FBXL7: variants seen among roughly 807,000 people sequenced by gnomAD.
FBXL7 encodes the protein F-box and leucine rich repeat protein 7, also known as F-box/LRR-repeat protein 7.
Under a neutral mutation model 38.3 loss-of-function variants are expected in FBXL7, and 12 were observed. That is an observed-to-expected ratio of 0.31 (90% CI 0.20 to 0.51). The LOEUF (loss-of-function observed/expected upper bound fraction) is 0.51, where lower values mean the gene tolerates loss of function less well. FBXL7 is among the 20% of genes least tolerant of loss of function. The pLI, the probability that FBXL7 is intolerant of heterozygous loss-of-function variation, is 0.98. For missense variants in FBXL7, 567 were observed against 676.4 expected, an observed-to-expected ratio of 0.84 and a Z score of 1.79; for synonymous variants, 297 against 300.9, an observed-to-expected ratio of 0.99 and a Z score of 0.13.
intron 1 of FBXL7, among the ~76,000 whole-genome samples, chr5:15,527,918 G>T (rs563852912): frequency 1.3e-5 from 2 of 152,258 alleles, no homozygotes; most frequent in African/African-American, 4.8e-5. Context: ...TTTAAGGGTG[G>T]AATGTTTTTT....
intron 1 of FBXL7, chr5:15,602,116 G>A (rs13361854): frequency 6.6e-6 from 1 of 152,186 alleles, no homozygotes; most frequent in African/African-American, 2.4e-5. Context: ...GCATGGATCA[G>A]AGTCTCCATG....
At chr5:15,536,974 TAGTG>T (rs938969709) in intron 1 of FBXL7, among the ~76,000 whole-genome samples, 3 of 152,182 alleles carry the variant, frequency 2.0e-5, no homozygotes, top group African/African-American at 7.2e-5. Flanking sequence ...GTTCTTGTGA[TAGTG>T]AGTGAGTTCT....
intron 2 of FBXL7, among the ~76,000 whole-genome samples, chr5:15,693,355 G>T: frequency 6.6e-6 from 1 of 152,220 alleles, no homozygotes; most frequent in East Asian, 1.9e-4. Flanking sequence ...AAGCTCCCCC[G>T]GGTGCCTGGG....
At chr5:15,848,253 C>G (rs1029046105) in intron 2 of FBXL7, among the ~76,000 whole-genome samples, 1 of 152,160 alleles carries the variant, frequency 6.6e-6, no homozygotes, top group African/African-American at 2.4e-5. Context: ...GAAGGCTTTT[C>G]TGATGCTTTG....
At chr5:15,871,078 C>T (rs914694613) in intron 2 of FBXL7, among the ~76,000 whole-genome samples, 16 of 152,352 alleles carry the variant, frequency 1.1e-4, no homozygotes, top group Admixed American at 7.8e-4. Flanking sequence ...TGGCATCTGG[C>T]AGGTGTCCCT....
chr5:15,626,964 C>T (rs1740842555), intron 2 of FBXL7, among the ~76,000 whole-genome samples: 2 of 152,210 alleles, frequency 1.3e-5, no homozygotes, highest in South Asian at 4.2e-4. Flanking sequence ...AGTCAGGGGT[C>T]ACCAACTGGT....
intron 2 of FBXL7, among the ~76,000 whole-genome samples, chr5:15,841,228 T>A (rs915616191): frequency 1.3e-5 from 2 of 152,180 alleles, no homozygotes; most frequent in African/African-American, 4.8e-5. Context: ...TCTAGTATAA[T>A]GTTGAATAGT....
In FBXL7 at chr5:15,740,670, C is replaced by T. The variant is rs1158915224; in HGVS notation, c.127+124598C>T. 2.6e-5 allele frequency among the ~76,000 whole-genome samples: 4 copies of T among 151,786 alleles called. No homozygotes were observed. The South Asian group carries it at 8.3e-4, about 32-fold the overall frequency. On this transcript the variant is annotated intron_variant, in intron 2 of 3. Transcript: ENST00000504595. Reference sequence around the variant, plus strand: ...CAAATGGTTGTGTTTTTTTCCAGTCCCCTTAAATCCTTACCTTTTTTAAAA... The same window carrying T: ...CAAATGGTTGTGTTTTTTTCCAGTCTCCTTAAATCCTTACCTTTTTTAAAA...
chr5:15,707,174 GTTTTTTTTTTTTT>G (rs71603796), intron 2 of FBXL7, among the ~76,000 whole-genome samples: 1 of 70,392 alleles, frequency 1.4e-5, no homozygotes, highest in African/African-American at 5.8e-5. Context: ...TTTTCTTTTC[GTTTTTTTTTTTTT>G]TTTTTTTTTT....
At chr5:15,629,765 A>G (rs1381202852) in intron 2 of FBXL7, among the ~76,000 whole-genome samples, 1 of 152,158 alleles carries the variant, frequency 6.6e-6, no homozygotes, top group African/African-American at 2.4e-5. Context: ...TACACATTTG[A>G]TAAACGTTTA....
chr5:15,653,256 G>T (rs559073358), intron 2 of FBXL7, among the ~76,000 whole-genome samples: 2 of 152,136 alleles, frequency 1.3e-5, no homozygotes, highest in Admixed American at 1.3e-4. Flanking sequence ...TGAAAAAATG[G>T]TGCCAGTAGA....
rs563139519 is a variant in FBXL7, at chr5:15,720,333, T to C, written c.127+104261T>C. 6.9e-4 allele frequency among the ~76,000 whole-genome samples: 103 copies of C among 148,430 alleles called. 13 individuals carry two copies. Among genetic ancestry groups the C allele is most frequent in the Non-Finnish European group, 1.1e-3 (76 of 66,524 alleles). ...AGAGGATAGTGGAAAGGACTGAGGG[T>C]AAATTATACAACCAATTAGAAACTT... On this transcript the variant is annotated intron_variant, in intron 2 of 3. Transcript: ENST00000504595.
chr5:15,597,872 C>G (rs752085261), intron 1 of FBXL7, among the ~76,000 whole-genome samples: 1 of 152,098 alleles, frequency 6.6e-6, no homozygotes, highest in Non-Finnish European at 1.5e-5. Context: ...GGCTCAAAGG[C>G]AAAGCTATTA....
At chr5:15,836,254 T>C (rs532539984) in intron 2 of FBXL7, among the ~76,000 whole-genome samples, 1 of 152,330 alleles carries the variant, frequency 6.6e-6, no homozygotes, top group South Asian at 2.1e-4. Flanking sequence ...TTTTGAAAGC[T>C]TTGGGATATG....
chr5:15,836,185 C>T (rs1579505752), intron 2 of FBXL7, among the ~76,000 whole-genome samples: 7 of 152,170 alleles, frequency 4.6e-5, no homozygotes, highest in Admixed American at 3.9e-4. Flanking sequence ...CAGGTTCCTT[C>T]ATTCACTCTT....
At chr5:15,656,195 G>A (rs1316421074) in intron 2 of FBXL7, among the ~76,000 whole-genome samples, 2 of 152,182 alleles carry the variant, frequency 1.3e-5, no homozygotes, top group African/African-American at 4.8e-5. Context: ...GCTTGCTAAA[G>A]CCTTACGTGT....
intron 2 of FBXL7, among the ~76,000 whole-genome samples, chr5:15,868,102 CAAAAAAAAAA>C (rs35879964): frequency 3.3e-5 from 2 of 59,926 alleles, no homozygotes; most frequent in East Asian, 5.5e-4. Context: ...GACTCCGTCT[CAAAAAAAAAA>C]AAAAAAAAAA....
intron 2 of FBXL7, among the ~76,000 whole-genome samples, chr5:15,684,190 C>A (rs949386953): frequency 2.0e-5 from 3 of 152,120 alleles, no homozygotes; most frequent in Admixed American, 6.6e-5. Flanking sequence ...GTCATTTGTG[C>A]AAATTTATGA....
intron 2 of FBXL7, among the ~76,000 whole-genome samples, chr5:15,630,146 A>G (rs558030701): frequency 1.3e-5 from 2 of 152,326 alleles, no homozygotes; most frequent in African/African-American, 2.4e-5. Flanking sequence ...AGCTCTATAA[A>G]TAACCAGTTC....
Sources: allele counts gnomAD v4.1 joint callset (sites outside exome capture counted in the v4.1 genomes callset), GRCh38; gene constraint gnomAD v4.1.1; transcripts MANE v1.5; gene names NCBI Gene and HGNC (gene_info 2026-07-23, HGNC 2026-07-21).